SRPK2: variants seen among roughly 807,000 people sequenced by gnomAD.
SRPK2 encodes SRSF protein kinase 2.
SRPK2 carries 21 observed loss-of-function variants against 90.8 expected under a neutral mutation model. The ratio of observed to expected loss-of-function variants is 0.23; its 90% CI spans 0.16 to 0.33. SRPK2 has a LOEUF of 0.33. Ranked by LOEUF, SRPK2 falls within the 10% of genes least tolerant of loss-of-function variation. The probability of loss-of-function intolerance (pLI) is 1.00; values close to 1 mark genes in which losing one functional copy is unlikely to be tolerated. For missense variants in SRPK2, 620 were observed against 869.0 expected (o/e 0.71, Z 3.60); for synonymous variants, 288 against 311.1 (o/e 0.93, Z 0.78).
chr7:105,393,350 T>C (rs1037137872), upstream of SRPK2, among the ~76,000 whole-genome samples: 1 of 151,948 alleles, frequency 6.6e-6, no homozygotes, highest in Non-Finnish European at 1.5e-5. Flanking sequence ...CAGGCTGGTC[T>C]CAAACTCCTG....
At chr7:105,129,304 G>A (rs1376667953) in intron 13 of SRPK2, among the ~76,000 whole-genome samples, 1 of 151,926 alleles carries the variant, frequency 6.6e-6, no homozygotes, top group African/African-American at 2.4e-5. Flanking sequence ...TTGATTCTTT[G>A]GAGAGTGGCA....
chr7:105,396,794 G>GAA (rs1235983674), intron 1 of SRPK2, among the ~76,000 whole-genome samples: 111 of 111,292 alleles, frequency 1.0e-3, no homozygotes, highest in Middle Eastern at 4.3e-3. Flanking sequence ...AAGAAAGAAA[G>GAA]AGAAAGAGAA....
intron 7 of SRPK2, among the ~76,000 whole-genome samples, chr7:105,151,083 T>TA (rs1805576292): frequency 6.6e-6 from 1 of 152,168 alleles, no homozygotes; most frequent in Admixed American, 6.6e-5. Context: ...AGTAAAAACT[T>TA]AAAGTTCCAG....
At chr7:105,194,968 A>T (rs750414111) in intron 3 of SRPK2, among the ~76,000 whole-genome samples, 3 of 152,212 alleles carry the variant, frequency 2.0e-5, no homozygotes, top group Non-Finnish European at 4.4e-5. Flanking sequence ...ACAAGATAAA[A>T]GTATATTTCA....
intron 2 of SRPK2, chr7:105,268,931 C>T (rs1351120885): frequency 6.6e-7 from 1 of 1,525,716 alleles, no homozygotes; most frequent in East Asian, 2.4e-5. Flanking sequence ...AGCCTTATAT[C>T]AAGAGATTTT....
intron 2 of SRPK2, among the ~76,000 whole-genome samples, chr7:105,383,919 T>C (rs537567025): frequency 2.6e-5 from 4 of 152,294 alleles, no homozygotes; most frequent in Non-Finnish European, 4.4e-5. Context: ...AGCAGATTCA[T>C]AGAGACTTAG....
intron 3 of SRPK2, among the ~76,000 whole-genome samples, chr7:105,170,103 C>T (rs1462127170): frequency 6.6e-6 from 1 of 152,182 alleles, no homozygotes; most frequent in Non-Finnish European, 1.5e-5. Flanking sequence ...GCATGAGCCA[C>T]CACACCTGGC....
Position 105,212,509 on chromosome 7 carries a change from C to T in SRPK2, c.72-8724G>A, listed in dbSNP as rs923095354. On this transcript the variant is annotated intron_variant, in intron 2 of 15. Coordinates refer to ENST00000393651, the MANE Select transcript of SRPK2 (RefSeq NM_182692.3). ...ATCATCAAAAGCACAGAGGCCCAAA[C>T]TAATCTGGTATGACTGGAGAGAGGA... 4.9e-4 allele frequency among the ~76,000 whole-genome samples: 74 copies of T among 152,142 alleles called. 1 individual carries two copies. The highest frequency in any genetic ancestry group is 1.6e-3 in the African/African-American group (66 of 41,432).
intron 15 of SRPK2, among the ~76,000 whole-genome samples, chr7:105,122,153 A>G (rs1329913110): frequency 6.6e-6 from 1 of 152,194 alleles, no homozygotes; most frequent in African/African-American, 2.4e-5. Flanking sequence ...CCATACAAAA[A>G]TCAACTCAAA....
intron 2 of SRPK2, among the ~76,000 whole-genome samples, chr7:105,293,188 C>T (rs970231267): frequency 1.1e-4 from 16 of 152,038 alleles, no homozygotes; most frequent in Non-Finnish European, 5.9e-5. Context: ...ATCCCAGCTA[C>T]TCAAGAGGCT....
At chr7:105,194,839 G>T (rs1282731646) in intron 3 of SRPK2, among the ~76,000 whole-genome samples, 2 of 152,074 alleles carry the variant, frequency 1.3e-5, no homozygotes, top group Non-Finnish European at 2.9e-5. Flanking sequence ...TTGACCAAAA[G>T]AGGGATGGAG....
At chr7:105,331,330 A>AAAAAAAAAAAAT (rs1814354270) in intron 2 of SRPK2, among the ~76,000 whole-genome samples, 1 of 144,900 alleles carries the variant, frequency 6.9e-6, no homozygotes, top group Non-Finnish European at 1.5e-5. Flanking sequence ...AAAAAAAAAA[A>AAAAAAAAAAAAT]AAAAAAACAA....
intron 2 of SRPK2, among the ~76,000 whole-genome samples, chr7:105,283,797 C>T (rs578136952): frequency 6.6e-6 from 1 of 152,122 alleles, no homozygotes; most frequent in Non-Finnish European, 1.5e-5. Context: ...TCGAGACCAG[C>T]CTAGGTAACA....
At chr7:105,319,865 T>C (rs1226127333) in intron 2 of SRPK2, among the ~76,000 whole-genome samples, 1 of 151,710 alleles carries the variant, frequency 6.6e-6, no homozygotes, top group Non-Finnish European at 1.5e-5. Context: ...CCCCCCTTTT[T>C]TTTTTTTTTT....
At chr7:105,254,862 G>A (rs1457542785) in intron 2 of SRPK2, among the ~76,000 whole-genome samples, 1 of 119,734 alleles carries the variant, frequency 8.4e-6, no homozygotes, top group Non-Finnish European at 2.1e-5. Context: ...GCTAATTTTT[G>A]TATTTTTAGT....
chr7:105,247,913 C>A (rs1368094254), intron 2 of SRPK2, among the ~76,000 whole-genome samples: 1 of 150,768 alleles, frequency 6.6e-6, no homozygotes, highest in Non-Finnish European at 1.5e-5. Flanking sequence ...TCTTGGTGCC[C>A]AGGCTGGAGT....
intron 2 of SRPK2, among the ~76,000 whole-genome samples, chr7:105,383,139 A>G (rs1821152868): frequency 7.9e-6 from 1 of 125,902 alleles, no homozygotes; most frequent in East Asian, 2.5e-4. Flanking sequence ...ATCTCGGTTC[A>G]CTGCAAGCTC....
rs182642068 is a variant in SRPK2, at chr7:105,159,537, T to A, written c.621+970A>T. Reference sequence around the variant, plus strand: ...TAAACAAAGTTATCTGCACACAAATTCAACAGAAATATCAAAGATGCTTTT... The same window carrying A: ...TAAACAAAGTTATCTGCACACAAATACAACAGAAATATCAAAGATGCTTTT... On this transcript the variant is annotated intron_variant, in intron 7 of 15. Transcript: ENST00000393651. Among the ~76,000 whole-genome samples the A allele has an allele frequency of 1.1e-3, 161 of 150,670 alleles. 2 individuals are homozygous for A. In the East Asian group the frequency reaches 0.031, roughly 29 times the overall value.
intron 2 of SRPK2, among the ~76,000 whole-genome samples, chr7:105,295,105 A>G (rs6978954): frequency 0.44 from 66,354 of 151,348 alleles, 15,813 homozygotes; most frequent in South Asian, 0.53. Flanking sequence ...CCAGCTACTC[A>G]GGAGGCTGAG....
Sources: gnomAD v4.1 joint callset for allele counts (sites outside exome capture counted in the v4.1 genomes callset) on GRCh38, gnomAD v4.1.1 for gene constraint, MANE v1.5 for transcripts, NCBI Gene and HGNC (gene_info 2026-07-23, HGNC 2026-07-21) for gene names.